ANTXRL: variants seen among roughly 807,000 people sequenced by gnomAD.
ANTXRL encodes the protein anthrax toxin receptor-like.
Under a neutral mutation model 75.4 loss-of-function variants are expected in ANTXRL, and 63 were observed. The observed-to-expected ratio is 0.84, with a 90% CI of 0.68 to 1.03. The LOEUF is 1.03. Among genes scored for constraint, ANTXRL ranks in the 50% least tolerant of loss-of-function variants. The probability of loss-of-function intolerance (pLI) is 0.00; values close to 1 mark genes in which losing one functional copy is unlikely to be tolerated. For missense variants in ANTXRL, 797 were observed against 789.4 expected (o/e 1.01, Z -0.12); for synonymous variants, 335 against 291.3 (o/e 1.15, Z -1.53).
chr10:46,309,163 A>T lies in ANTXRL; in HGVS notation c.1095A>T (p.Pro365=), dbSNP rs1421345409. 6.5e-7 allele frequency: 1 copy of T among 1,535,550 alleles called. No individual in the cohort carries two copies. The highest frequency in any genetic ancestry group is 8.7e-7 in the Non-Finnish European group (1 of 1,146,692). ...LYFVPLLLLV[P]LLLCCVWRLC... ...TTGTGCCACTCCTGCTGCTTGTGCC[A>T]CTGCTGCTGTGTTGTGTCTGGCGGC... is the stretch of plus-strand genomic sequence containing the variant. The change falls in exon 13 of 17, where the codon CCA becomes CCT. Residue 365 remains proline (P), a synonymous_variant. Transcript: ENST00000620264.
chr10:46,287,159 C>T lies in ANTXRL; in HGVS notation c.-104C>T. 7.0e-7 allele frequency: 1 copy of T among 1,422,562 alleles called. No individual in the cohort carries two copies. The highest frequency in any genetic ancestry group is 2.5e-5 in the East Asian group (1 of 40,292). 88.1% of individuals were successfully genotyped at this position (1,422,562 alleles called of 1,614,324 possible). A position where few individuals can be genotyped will look rare whatever the true frequency, so the allele number is the denominator to read the frequency against. ...GAAAGGGCAGGAGGAGGGGTGTGGC[C>T]CCGGGCATAAGGGGAGGCGGCAAAG... On this transcript the variant is annotated 5_prime_UTR_variant, in exon 1 of 17. Coordinates refer to ENST00000620264, the MANE Select transcript of ANTXRL (RefSeq NM_001278688.3).
chr10:46,304,207 C>T (rs1743027117), intron 10 of ANTXRL, among the ~76,000 whole-genome samples: 1 of 152,168 alleles, frequency 6.6e-6, no homozygotes, highest in Admixed American at 6.5e-5. Flanking sequence ...CTTATGCACA[C>T]TATCTCCTTG....
chr10:46,310,646 G>C lies in ANTXRL; in HGVS notation c.1173+147G>C, dbSNP rs1354890363. ...GGGCAGAATGGAGCCTGAGAAGATG[G>C]GGGACTCACAGTGATGTCCCCAGCA... is the stretch of plus-strand genomic sequence containing the variant. On this transcript the variant is annotated intron_variant, in intron 14 of 16. Transcript: ENST00000620264. 19 of 873,000 alleles carry C rather than the reference G, an allele frequency of 2.2e-5. No individual in the cohort carries two copies. The Admixed American group carries it at 3.9e-4, about 18-fold the overall frequency. 54.1% of individuals were successfully genotyped at this position (873,000 alleles called of 1,614,324 possible). A position where few individuals can be genotyped will look rare whatever the true frequency, so the allele number is the denominator to read the frequency against.
chr10:46,311,674 G>C lies in ANTXRL; in HGVS notation c.1329+9G>C. 1 of 946,268 alleles carries C rather than the reference G, an allele frequency of 1.1e-6. No individual in the cohort carries two copies. Among genetic ancestry groups the C allele is most frequent in the Non-Finnish European group, 1.6e-6 (1 of 608,884 alleles). The allele number at this position is 946,268 out of a possible 1,614,324, so 58.6% of individuals were successfully genotyped here. A position where few individuals can be genotyped will look rare whatever the true frequency, so the allele number is the denominator to read the frequency against. ...GGATGAGAAGGATAGAGGTGAGAAG[G>C]GCACAGTGGAGAGGGGCTGTGACCC... On this transcript the variant is annotated intron_variant, in intron 15 of 16. Coordinates refer to ENST00000620264, the MANE Select transcript of ANTXRL (RefSeq NM_001278688.3).
intron 9 of ANTXRL, among the ~76,000 whole-genome samples, chr10:46,299,960 T>C (rs1389132782): frequency 2.6e-5 from 4 of 152,170 alleles, no homozygotes; most frequent in Non-Finnish European, 4.4e-5. Flanking sequence ...TCGGGGTCTC[T>C]TTCTGTTCCT....
intron 15 of ANTXRL, among the ~76,000 whole-genome samples, chr10:46,312,850 T>A (rs1481863539): frequency 5.9e-5 from 9 of 151,516 alleles, no homozygotes; most frequent in Non-Finnish European, 8.8e-5. Flanking sequence ...CTCACCTGCC[T>A]TCCCCTTGTG....
intron 5 of ANTXRL, among the ~76,000 whole-genome samples, chr10:46,296,791 G>C (rs1166891025): frequency 6.6e-6 from 1 of 152,158 alleles, no homozygotes; most frequent in Non-Finnish European, 1.5e-5. Context: ...CCTGGGCCCA[G>C]AGATGCCGGC....
At chr10:46,307,544 A>G in intron 12 of ANTXRL, 64 bp downstream of exon 12, 2 of 1,415,424 alleles carry the variant, frequency 1.4e-6, no homozygotes, top group Non-Finnish European at 1.9e-6. Context: ...CACTAGAAGG[A>G]GCACAGAAAA....
At position 46,296,264 on chromosome 10, in the gene ANTXRL, C is replaced by T; in HGVS notation, c.508+12C>T. 1.3e-6 allele frequency: 2 copies of T among 1,535,684 alleles called. No homozygotes were observed. Among genetic ancestry groups the T allele is most frequent in the Non-Finnish European group, 1.7e-6 (2 of 1,146,602 alleles). ...TTTCAACTCCGGAAGTAAGCACCTG[C>T]CGTCCCCCTGGTGGTCCTGTAGGGG... On this transcript the variant is annotated intron_variant, in intron 5 of 16. Coordinates refer to ENST00000620264, the MANE Select transcript of ANTXRL (RefSeq NM_001278688.3).
At chr10:46,293,539 G>A (rs1398995579) in intron 2 of ANTXRL, among the ~76,000 whole-genome samples, 2 of 142,990 alleles carry the variant, frequency 1.4e-5, no homozygotes, top group African/African-American at 5.3e-5. Context: ...GTGTGCATGT[G>A]TGTGCATATG....
At chr10:46,313,974 G>A (rs1838580001) in intron 16 of ANTXRL, among the ~76,000 whole-genome samples, 1 of 152,196 alleles carries the variant, frequency 6.6e-6, no homozygotes, top group East Asian at 1.9e-4. Context: ...TAGGCCCTGG[G>A]GCCCTGGAGA....
chr10:46,302,578 T>A (rs1837819272), intron 9 of ANTXRL, 144 bp from the exon 10 acceptor site: 1 of 632,710 alleles, frequency 1.6e-6, no homozygotes, highest in Non-Finnish European at 2.8e-6. Flanking sequence ...AGTGGACACA[T>A]AGATGTTGGT....
At chr10:46,303,577 A>G (rs1837888735) in intron 10 of ANTXRL, among the ~76,000 whole-genome samples, 1 of 152,222 alleles carries the variant, frequency 6.6e-6, no homozygotes, top group Non-Finnish European at 1.5e-5. Context: ...AAGAAATGTC[A>G]GATTTTGAAG....
intron 3 of ANTXRL, among the ~76,000 whole-genome samples, chr10:46,294,769 A>G (rs1837264234): frequency 6.6e-6 from 1 of 152,130 alleles, no homozygotes. Context: ...GCATGGCCAG[A>G]GGAAGGCCAG....
At chr10:46,319,591 T>C (rs1838887321) in intron 16 of ANTXRL, among the ~76,000 whole-genome samples, 1 of 152,140 alleles carries the variant, frequency 6.6e-6, no homozygotes, top group Non-Finnish European at 1.5e-5. Context: ...AGTCATAGTC[T>C]TTGTTCAGGG....
At position 46,317,250 on chromosome 10, in the gene ANTXRL, C is replaced by G. The variant is rs1387879191; in HGVS notation, c.1410+3934C>G. ...AATATCAATTAATCTATGATCCAGT[C>G]TGTTTTCTTGTACACTGTTTCACTG... On this transcript the variant is annotated intron_variant, in intron 16 of 16. Coordinates refer to ENST00000620264, the MANE Select transcript of ANTXRL (RefSeq NM_001278688.3). Among the ~76,000 whole-genome samples, 4 of 152,292 alleles carry G rather than the reference C, an allele frequency of 2.6e-5. No individual in the cohort carries two copies. The East Asian group carries it at 5.8e-4, about 22-fold the overall frequency.
chr10:46,286,264 G>A (rs80034142), upstream of ANTXRL: 4,428 of 152,232 alleles, frequency 0.029, 154 homozygotes, highest in East Asian at 0.13. Context: ...AAGCTCTACA[G>A]TTTCTGCCGT....
chr10:46,305,840 T>C (rs1216672854), intron 10 of ANTXRL, among the ~76,000 whole-genome samples: 8 of 151,796 alleles, frequency 5.3e-5, no homozygotes, highest in African/African-American at 1.9e-4. Flanking sequence ...GGCTTCCTCA[T>C]CTTGGTAAAT....
At chr10:46,313,135 GT>G (rs1554963895) in intron 15 of ANTXRL, 100 bp from the exon 16 acceptor site, 5 of 1,090,692 alleles carry the variant, frequency 4.6e-6, no homozygotes, top group South Asian at 2.7e-5. Context: ...TTGTCTGGGT[GT>G]TTTCCTGGGC....
Sources: gnomAD v4.1 joint callset for allele counts (sites outside exome capture counted in the v4.1 genomes callset) on GRCh38, gnomAD v4.1.1 for gene constraint, MANE v1.5 for transcripts, NCBI Gene and HGNC (gene_info 2026-07-23, HGNC 2026-07-21) for gene names.